ACSL1: variants seen among roughly 807,000 people sequenced by gnomAD.
The protein encoded by ACSL1 is acyl-CoA synthetase long chain family member 1.
Under a neutral mutation model 98.4 loss-of-function variants are expected in ACSL1, and 41 were observed. The ratio of observed to expected loss-of-function variants is 0.42; its 90% CI spans 0.32 to 0.54. The LOEUF is 0.54. ACSL1 is among the 20% of genes least tolerant of loss of function. The probability of loss-of-function intolerance (pLI) is 0.13; values close to 1 mark genes in which losing one functional copy is unlikely to be tolerated. For synonymous variants in ACSL1, 316 were observed against 322.7 expected (o/e 0.98, Z 0.22); for missense variants, 734 against 883.1 (o/e 0.83, Z 2.14).
At chr4:184,811,682 G>A (rs915571825) in intron 1 of ACSL1, among the ~76,000 whole-genome samples, 19 of 151,992 alleles carry the variant, frequency 1.3e-4, no homozygotes, top group African/African-American at 1.2e-4. Context: ...ATTGCTGAAC[G>A]GGCACAGAGT....
At chr4:184,770,809 C>T (rs116597676) in intron 10 of ACSL1, among the ~76,000 whole-genome samples, 2 of 152,140 alleles carry the variant, frequency 1.3e-5, no homozygotes, top group African/African-American at 4.8e-5. Flanking sequence ...TTATGGTCTG[C>T]AATTTCTTCT....
chr4:184,777,041 G>A, intron 5 of ACSL1, 58 bp from the exon 6 acceptor site: 1 of 1,440,248 alleles, frequency 6.9e-7, no homozygotes, highest in Non-Finnish European at 9.7e-7. Flanking sequence ...TAATCAATAA[G>A]GAGAACAATA....
rs925874550 is a variant in ACSL1 at position 184,780,355 on chromosome 4, T to G, written c.454A>C (p.Ile152Leu). ...ACCTCAGGTCTATTTTGAGCAAAGA[T>G]GCCAATGAACTGATCTGGGGCAGTC... ...FKTAPDQFIG[I>L]FAQNRPEWVI... Residue 152 changes from isoleucine to leucine, a missense_variant, in exon 5 of 21, where the codon ATC (isoleucine) becomes CTC (leucine). Transcript: ENST00000281455. The G allele has an allele frequency of 6.2e-7, 1 of 1,613,718 alleles. No homozygotes were observed. The highest frequency in any genetic ancestry group is 2.2e-5 in the East Asian group (1 of 44,890).
At chr4:184,768,701 T>A (rs1263292189) in intron 11 of ACSL1, among the ~76,000 whole-genome samples, 1 of 152,252 alleles carries the variant, frequency 6.6e-6, no homozygotes, top group Non-Finnish European at 1.5e-5. Flanking sequence ...TTTTTAGTGA[T>A]GACCACAGAG....
intron 1 of ACSL1, chr4:184,821,047 G>C (rs1436538348): frequency 8.8e-6 from 4 of 456,140 alleles, no homozygotes; most frequent in South Asian, 6.2e-5. Context: ...TGTACAGTAA[G>C]GATAGCAGCA....
At chr4:184,798,840 G>C (rs1163103808) in intron 2 of ACSL1, 1 of 152,302 alleles carries the variant, frequency 6.6e-6, no homozygotes, top group Non-Finnish European at 1.5e-5. Context: ...ACAGGGGTCC[G>C]TACTAACTGG....
rs556805397 is a variant in ACSL1 at position 184,804,536 on chromosome 4, G to A, written c.-32-990C>T. ...CAGAGGGTTGCAGTGAGCCGGGATC[G>A]TGCCACTGCACTCCAATCTGGGCAA... On this transcript the variant is annotated intron_variant, in intron 1 of 20. Transcript: ENST00000281455. Among the ~76,000 whole-genome samples, 6 of 151,478 alleles carry A rather than the reference G, an allele frequency of 4.0e-5. No individual in the cohort carries two copies. The East Asian group carries it at 1.2e-3, about 29-fold the overall frequency.
intron 1 of ACSL1, among the ~76,000 whole-genome samples, chr4:184,810,686 C>T (rs778297336): frequency 5.9e-5 from 9 of 152,070 alleles, no homozygotes; most frequent in East Asian, 5.8e-4. Context: ...CTCGCACTTT[C>T]GCACATTAAT....
intron 12 of ACSL1, among the ~76,000 whole-genome samples, chr4:184,767,548 GA>G (rs1763804977): frequency 6.6e-6 from 1 of 152,098 alleles, no homozygotes; most frequent in Non-Finnish European, 1.5e-5. Context: ...TGGAGGTCAT[GA>G]AAATGTTCTA....
At position 184,803,360 on chromosome 4, in the gene ACSL1, T is replaced by C. The variant is rs989081826; in HGVS notation, c.155A>G (p.Lys52Arg). The C allele has an allele frequency of 1.2e-6, 2 of 1,611,698 alleles. No homozygotes were observed. The highest frequency in any genetic ancestry group is 2.7e-5 in the African/African-American group (2 of 74,802). The stretch of plus-strand genomic sequence containing the variant: ...CTGCATGGAGAGGTCGCATGGCGGC[T>C]TCAGGGGTTTGGGTCTCGTGGCGTA... The part of the protein sequence containing the change: ...FWYATRPKPL[K>R]PPCDLSMQSV... The change falls in exon 2 of 21, where the codon AAG becomes AGG. Residue 52 changes from lysine to arginine, a missense_variant. Coordinates refer to ENST00000281455, the MANE Select transcript of ACSL1 (RefSeq NM_001995.5). The surrounding 1 kb of genome is among the most constrained non-coding windows in gnomAD (Gnocchi z 4.8).
In ACSL1 at chr4:184,813,574, T is replaced by C. The variant is rs141709832; in HGVS notation, c.-32-10028A>G. 4.0e-5 allele frequency: 10 copies of C among 251,930 alleles called. No homozygotes were observed. In the East Asian group the frequency reaches 8.8e-4, roughly 22 times the overall value. The allele number at this position is 251,930 out of a possible 1,614,324, so 15.6% of individuals were successfully genotyped here. The stretch of plus-strand genomic sequence containing the variant: ...AGGAAGAGTCGGAATTGTGTCTCTA[T>C]GACCGCAAGTTGAAGAACATGACAG... On this transcript the variant is annotated intron_variant, in intron 1 of 20. Transcript: ENST00000281455.
intron 2 of ACSL1, among the ~76,000 whole-genome samples, chr4:184,795,393 G>C (rs1048456694): frequency 6.6e-6 from 1 of 152,236 alleles, no homozygotes; most frequent in African/African-American, 2.4e-5. Flanking sequence ...CCTGTGAGAA[G>C]CGACATCATT....
chr4:184,811,405 C>T (rs536773095), intron 1 of ACSL1, among the ~76,000 whole-genome samples: 151 of 152,250 alleles, frequency 9.9e-4, no homozygotes, highest in Non-Finnish European at 1.9e-3. Context: ...AGCCACCGCG[C>T]CCAGCTGCAC....
chr4:184,824,179 G>A (rs1044483708), intron 1 of ACSL1, among the ~76,000 whole-genome samples: 1 of 152,208 alleles, frequency 6.6e-6, no homozygotes, highest in Admixed American at 6.5e-5. Context: ...AGTCTGGAGT[G>A]CAGTGGCGGG....
At chr4:184,778,211 C>T (rs1015032534) in intron 5 of ACSL1, among the ~76,000 whole-genome samples, 6 of 152,184 alleles carry the variant, frequency 3.9e-5, no homozygotes, top group South Asian at 2.1e-4. Context: ...CCACTGCCTC[C>T]GGCTGCACCT....
chr4:184,824,504 G>A (rs997345227), intron 1 of ACSL1, among the ~76,000 whole-genome samples: 3 of 152,130 alleles, frequency 2.0e-5, no homozygotes, highest in African/African-American at 7.2e-5. Flanking sequence ...AAAGGGGAGA[G>A]GTATAAGGTG....
chr4:184,766,082 A>T lies in ACSL1; in HGVS notation c.1264-96T>A, dbSNP rs1763559242. The stretch of plus-strand genomic sequence containing the variant: ...GGCCTGCTTGGGACCCCGTTCCCTA[A>T]CCCATAGCTGCAGACCACACGGAGG... On this transcript the variant is annotated intron_variant, in intron 13 of 20. Transcript: ENST00000281455. The surrounding 1 kb of genome is among the most constrained non-coding windows in gnomAD (Gnocchi z 4.8). 4.4e-6 allele frequency: 5 copies of T among 1,132,828 alleles called. No homozygotes were observed. The Admixed American group carries it at 1.0e-4, about 23-fold the overall frequency. The allele number at this position is 1,132,828 out of a possible 1,614,324, so 70.2% of individuals were successfully genotyped here.
intron 1 of ACSL1, among the ~76,000 whole-genome samples, chr4:184,810,875 C>T (rs1771994463): frequency 6.6e-6 from 1 of 152,178 alleles, no homozygotes; most frequent in African/African-American, 2.4e-5. Flanking sequence ...GTCCTCGTCA[C>T]AGTCCTTACT....
Position 184,811,397 on chromosome 4 carries a change from C to A in ACSL1, c.-32-7851G>T, listed in dbSNP as rs372578781. 6.6e-5 allele frequency among the ~76,000 whole-genome samples: 10 copies of A among 152,066 alleles called. No individual in the cohort carries two copies. In the East Asian group the frequency reaches 1.2e-3, roughly 18 times the overall value. On this transcript the variant is annotated intron_variant, in intron 1 of 20. Transcript: ENST00000281455. ...AAAGTGCTGGGATTACAGGTGTGAG[C>A]CACCGCGCCCAGCTGCACAATGCTT...
Sources: gnomAD v4.1 joint callset for allele counts (sites outside exome capture counted in the v4.1 genomes callset) on GRCh38, gnomAD v4.1.1 for gene constraint, Gnocchi (gnomAD v3.1) non-coding constraint, MANE v1.5 for transcripts, NCBI Gene and HGNC (gene_info 2026-07-23, HGNC 2026-07-21) for gene names.